Variants in IQGAP1 observed in about 807,000 individuals in gnomAD.
The protein encoded by IQGAP1 is ras GTPase-activating-like protein IQGAP1.
A neutral mutation model predicts 215.6 loss-of-function variants in IQGAP1; 66 were observed. The ratio of observed to expected loss-of-function variants is 0.31; its 90% confidence interval spans 0.25 to 0.38. The LOEUF (loss-of-function observed/expected upper bound fraction) is 0.38, where lower values mean the gene tolerates loss of function less well. Among genes scored for constraint, IQGAP1 ranks in the 10% least tolerant of loss-of-function variants. The pLI is 1.00. For synonymous variants in IQGAP1, 772 were observed against 728.7 expected (o/e 1.06, Z -0.96); for missense variants, 1,712 against 1,997.1 (o/e 0.86, Z 2.72).
intron 2 of IQGAP1, among the ~76,000 whole-genome samples, chr15:90,408,070 G>A (rs371227028): frequency 7.2e-5 from 11 of 152,320 alleles, no homozygotes; most frequent in African/African-American, 1.4e-4. Context: ...ATGGTCAGGC[G>A]TTTCCCTTTC....
Position 90,502,026 on chromosome 15 carries a change from T to C in IQGAP1, c.*1918T>C, listed in dbSNP as rs1966348048. The stretch of plus-strand genomic sequence containing the variant: ...TAGCACAGAGGATGCCCCAACAAAC[T>C]CATGGCGTTGAAACCACACAGTTCT... On this transcript the variant is annotated 3_prime_UTR_variant, in exon 38 of 38. Transcript: ENST00000268182. The C allele has an allele frequency of 6.6e-6, 1 of 152,660 alleles. No homozygotes were observed. The highest frequency in any genetic ancestry group is 2.1e-4 in the South Asian group (1 of 4,832). 9.5% of individuals were successfully genotyped at this position (152,660 alleles called of 1,614,324 possible).
At chr15:90,453,109 C>A in intron 12 of IQGAP1, 23 bp from the exon 13 acceptor site, 2 of 1,585,734 alleles carry the variant, frequency 1.3e-6, no homozygotes, top group Non-Finnish European at 8.6e-7. Flanking sequence ...TCACTGTTTT[C>A]CCTTCTGTCC....
At chr15:90,399,381 G>A (rs773881313) in intron 2 of IQGAP1, among the ~76,000 whole-genome samples, 4 of 152,024 alleles carry the variant, frequency 2.6e-5, no homozygotes, top group Admixed American at 6.6e-5. Context: ...TTGTTTATCA[G>A]TATTATTTTC....
At chr15:90,431,524 T>TTA (rs1965303240) in intron 4 of IQGAP1, among the ~76,000 whole-genome samples, 2 of 152,220 alleles carry the variant, frequency 1.3e-5, no homozygotes, top group South Asian at 4.1e-4. Context: ...AGTAGTGTTG[T>TTA]TACTACGAGA....
chr15:90,433,813 G>T lies in IQGAP1; in HGVS notation c.467+18G>T. 1 of 1,449,212 alleles carries T rather than the reference G, an allele frequency of 6.9e-7. No individual in the cohort carries two copies. The highest frequency in any genetic ancestry group is 2.3e-5 in the East Asian group (1 of 43,368). 89.8% of individuals were successfully genotyped at this position (1,449,212 alleles called of 1,614,324 possible). Reference sequence around the variant, plus strand: ...GCACTCAGGTAGTCAAATTTTCTTGGCAAAATAAGGAAATTATGAATAACA... The same window carrying T: ...GCACTCAGGTAGTCAAATTTTCTTGTCAAAATAAGGAAATTATGAATAACA... On this transcript the variant is annotated intron_variant, in intron 5 of 37. Transcript: ENST00000268182.
chr15:90,465,671 A>ATGTTTGTTTGTTTGTT (rs36085795), intron 15 of IQGAP1, among the ~76,000 whole-genome samples: 1 of 89,154 alleles, frequency 1.1e-5, no homozygotes, highest in African/African-American at 3.7e-5. Flanking sequence ...TGGCCAAGCT[A>ATGTTTGTTTGTTTGTT]TGTTTGTTTG....
chr15:90,477,164 C>T lies in IQGAP1; in HGVS notation c.3038C>T (p.Ala1013Val), dbSNP rs867613575. Reference protein sequence around the residue: ...DSVIFTLYNYASNQREEYLLL... With the variant: ...DSVIFTLYNYVSNQREEYLLL... ...GTAATCTTCACACTCTACAACTACG[C>T]GTCCAACCAGCGAGAGGAGTACCTG... is the stretch of plus-strand genomic sequence containing the variant. The change falls in exon 25 of 38, where the codon GCG becomes GTG. Residue 1013 changes from alanine (A) to valine (V), a missense_variant. Around this residue, in one of 2 missense-constraint regions of IQGAP1, gnomAD observed 691 missense variants for 923.0 expected, o/e 0.75. Coordinates refer to ENST00000268182, the MANE Select transcript of IQGAP1 (RefSeq NM_003870.4). The T allele has an allele frequency of 6.2e-7, 1 of 1,613,962 alleles. No homozygotes were observed. The highest frequency in any genetic ancestry group is 8.5e-7 in the Non-Finnish European group (1 of 1,179,892).
At chr15:90,444,269 GTGTGTGTGTGTATATA>G (rs1261631139) in intron 9 of IQGAP1, among the ~76,000 whole-genome samples, 1 of 116,098 alleles carries the variant, frequency 8.6e-6, no homozygotes. Flanking sequence ...GTGTGTGTGT[GTGTGTGTGTGTATATA>G]TATATTTTTT....
intron 17 of IQGAP1, 55 bp downstream of exon 17, chr15:90,466,491 G>C: frequency 0.024 from 25,265 of 1,032,852 alleles, no homozygotes; most frequent in Non-Finnish European, 0.035. Flanking sequence ...AGTATATGAG[G>C]GGACAGATGT....
At chr15:90,486,774 C>T (rs1966133020) in intron 31 of IQGAP1, 180 bp from the exon 32 acceptor site, 1 of 611,294 alleles carries the variant, frequency 1.6e-6, no homozygotes, top group Non-Finnish European at 2.9e-6. Flanking sequence ...ATTATGGATC[C>T]CTTGCCTTTA....
At chr15:90,413,068 T>G (rs1964991863) in intron 2 of IQGAP1, among the ~76,000 whole-genome samples, 1 of 149,650 alleles carries the variant, frequency 6.7e-6, no homozygotes, top group African/African-American at 2.6e-5. Context: ...GTATAGTTAT[T>G]TATTTGTCTT....
intron 5 of IQGAP1, among the ~76,000 whole-genome samples, chr15:90,439,062 C>T (rs761522983): frequency 7.2e-5 from 11 of 151,856 alleles, no homozygotes; most frequent in Admixed American, 1.3e-4. Context: ...GTGCCAGAAC[C>T]GGGACTTTAA....
At chr15:90,456,490 G>A (rs1965682243) in intron 15 of IQGAP1, among the ~76,000 whole-genome samples, 175 bp downstream of exon 15, 1 of 152,190 alleles carries the variant, frequency 6.6e-6, no homozygotes, top group South Asian at 2.1e-4. Context: ...CCTACTAGGA[G>A]CTCATGCTGT....
Position 90,440,625 on chromosome 15 carries a change from G to C in IQGAP1, c.649+10G>C. 1 of 1,537,000 alleles carries C rather than the reference G, an allele frequency of 6.5e-7. No individual in the cohort carries two copies. The highest frequency in any genetic ancestry group is 1.4e-5 in the African/African-American group (1 of 73,208). ...GTGGATGAAGCCGCATGTAAGAAGA[G>C]AGAAATTTTGTGGGTTCAACTGGGA... On this transcript the variant is annotated intron_variant, in intron 7 of 37. Coordinates refer to ENST00000268182, the MANE Select transcript of IQGAP1 (RefSeq NM_003870.4).
intron 2 of IQGAP1, among the ~76,000 whole-genome samples, chr15:90,401,860 A>G (rs1345739109): frequency 6.6e-6 from 1 of 152,224 alleles, no homozygotes; most frequent in Non-Finnish European, 1.5e-5. Flanking sequence ...AAGCAGAATG[A>G]TGATGAAATT....
Position 90,472,845 on chromosome 15 carries a change from T to C in IQGAP1, c.2184T>C (p.Ser728=). The change falls in exon 19 of 38, where the codon TCT becomes TCC. Residue 728 remains serine (S), a synonymous_variant. Coordinates refer to ENST00000268182, the MANE Select transcript of IQGAP1 (RefSeq NM_003870.4). ...TGTGACCACTGCTTTTTCAGAGTTC[T>C]ATCTCTGGGGTGACTGCCGCATATA... is the stretch of plus-strand genomic sequence containing the variant. ...MQLSREEIQS[S]ISGVTAAYNR... 6.2e-7 allele frequency: 1 copy of C among 1,604,412 alleles called. No homozygotes were observed. The highest frequency in any genetic ancestry group is 1.3e-5 in the African/African-American group (1 of 74,662).
chr15:90,482,327 C>A, intron 28 of IQGAP1, 46 bp downstream of exon 28: 1 of 1,573,880 alleles, frequency 6.4e-7, no homozygotes, highest in Non-Finnish European at 8.7e-7. Context: ...GAGGACAAAG[C>A]AATAAAACCA....
At chr15:90,395,083 A>T (rs777860768) in intron 2 of IQGAP1, among the ~76,000 whole-genome samples, 3 of 152,210 alleles carry the variant, frequency 2.0e-5, no homozygotes, top group Non-Finnish European at 4.4e-5. Flanking sequence ...TGAGAAATAG[A>T]AAATGTAGAG....
Position 90,492,591 on chromosome 15 carries a change from T to G in IQGAP1, c.4508T>G (p.Leu1503Arg). Reference sequence around the variant, plus strand: ...TACCGACAGAGGAGAAAGGCCGAACTAGTGAAACTGCAACAGACATACGCT... The same window carrying G: ...TACCGACAGAGGAGAAAGGCCGAACGAGTGAAACTGCAACAGACATACGCT... The part of the protein sequence containing the change: ...RRYRQRRKAE[L>R]VKLQQTYAAL... Residue 1503 changes from leucine (L) to arginine (R), a missense_variant, in exon 35 of 38, where the codon CTA becomes CGA. By Grantham distance (102) the Leu-to-Arg change is moderately radical. Around this residue, in one of 2 missense-constraint regions of IQGAP1, gnomAD observed 691 missense variants for 923.0 expected, o/e 0.75. Transcript: ENST00000268182. 1 of 1,613,178 alleles carries G rather than the reference T, an allele frequency of 6.2e-7. No individual in the cohort carries two copies. Among genetic ancestry groups the G allele is most frequent in the Non-Finnish European group, 8.5e-7 (1 of 1,179,754 alleles).
Sources: allele counts gnomAD v4.1 joint callset (sites outside exome capture counted in the v4.1 genomes callset), GRCh38; gene constraint gnomAD v4.1.1; regional missense constraint gnomAD v4.1.1; transcripts MANE v1.5; gene names NCBI Gene and HGNC (gene_info 2026-07-23, HGNC 2026-07-21).